AGAP1: variants seen among roughly 807,000 people sequenced by gnomAD.
AGAP1 encodes the protein arf-GAP with GTPase, ANK repeat and PH domain-containing protein 1.
AGAP1 carries 29 observed loss-of-function variants against 105.3 expected under a neutral mutation model. The ratio of observed to expected loss-of-function variants is 0.28; its 90% CI spans 0.21 to 0.38. The LOEUF is 0.38. Ranked by LOEUF, AGAP1 falls within the 10% of genes least tolerant of loss-of-function variation. The probability of loss-of-function intolerance (pLI) is 1.00; values close to 1 mark genes in which losing one functional copy is unlikely to be tolerated. For missense variants in AGAP1, 998 were observed against 1,165.1 expected (o/e 0.86, Z 2.09); for synonymous variants, 509 against 485.9 (o/e 1.05, Z -0.63).
intron 1 of AGAP1, among the ~76,000 whole-genome samples, chr2:235,606,125 A>G (rs11676226): frequency 0.62 from 94,551 of 152,148 alleles, 30,550 homozygotes; most frequent in African/African-American, 0.8. Context: ...AAGATCGGCC[A>G]TTTCCCCGGC....
chr2:235,780,237 TGAG>T (rs1956175166), intron 6 of AGAP1, among the ~76,000 whole-genome samples: 1 of 152,140 alleles, frequency 6.6e-6, no homozygotes, highest in Non-Finnish European at 1.5e-5. Flanking sequence ...AAAAATAAGT[TGAG>T]GAATTTAGGT....
In AGAP1 at chr2:235,517,345, C is replaced by T. The variant is rs1431295237; in HGVS notation, c.163+22496C>T. Among the ~76,000 whole-genome samples, 1 of 152,200 alleles carries T rather than the reference C, an allele frequency of 6.6e-6. No homozygotes were observed. Among genetic ancestry groups the T allele is most frequent in the Non-Finnish European group, 1.5e-5 (1 of 68,034 alleles). Reference sequence around the variant, plus strand: ...TTTGGGGGATACTGCGCAGTCCGTACAGCATCCCTCCCTCCCTGGTGGTTT... The same window carrying T: ...TTTGGGGGATACTGCGCAGTCCGTATAGCATCCCTCCCTCCCTGGTGGTTT... On this transcript the variant is annotated intron_variant, in intron 1 of 17. Coordinates refer to ENST00000304032, the MANE Select transcript of AGAP1 (RefSeq NM_001037131.3). This position sits in a 1 kb window ranked among gnomAD's most constrained non-coding sequence, Gnocchi z 4.1.
intron 1 of AGAP1, among the ~76,000 whole-genome samples, chr2:235,680,885 C>A (rs1412132386): frequency 6.6e-6 from 1 of 152,174 alleles, no homozygotes; most frequent in Non-Finnish European, 1.5e-5. Context: ...CCTGAGCTGA[C>A]ACTGGGACTG....
In AGAP1 at chr2:235,586,253, G is replaced by A. The variant is rs1335033989; in HGVS notation, c.163+91404G>A. Among the ~76,000 whole-genome samples the A allele has an allele frequency of 6.6e-6, 1 of 152,230 alleles. No homozygotes were observed. The highest frequency in any genetic ancestry group is 1.5e-5 in the Non-Finnish European group (1 of 68,038). On this transcript the variant is annotated intron_variant, in intron 1 of 17. Transcript: ENST00000304032. The surrounding 1 kb of genome is among the most constrained non-coding windows in gnomAD (Gnocchi z 4.2). Reference sequence around the variant, plus strand: ...ATACGGGCATGTTATCCAGAAGAGAGGAGAGAGAAGCCCGCTGCACTCTCC... The same window carrying A: ...ATACGGGCATGTTATCCAGAAGAGAAGAGAGAGAAGCCCGCTGCACTCTCC...
chr2:236,030,492 A>G (rs1468629280), intron 13 of AGAP1, among the ~76,000 whole-genome samples: 1 of 152,206 alleles, frequency 6.6e-6, no homozygotes, highest in Non-Finnish European at 1.5e-5. Flanking sequence ...TCCTTGCAGG[A>G]TTGCCAGGTG....
chr2:235,501,570 C>G (rs572380545), intron 1 of AGAP1, among the ~76,000 whole-genome samples: 43 of 152,300 alleles, frequency 2.8e-4, no homozygotes, highest in African/African-American at 9.4e-4. Context: ...AAAACAAAAC[C>G]TGCAGCCCTG....
At position 235,561,098 on chromosome 2, in the gene AGAP1, C is replaced by T. The variant is rs188706212; in HGVS notation, c.163+66249C>T. Among the ~76,000 whole-genome samples the T allele has an allele frequency of 1.8e-3, 271 of 152,260 alleles. 1 individual carries two copies. The highest frequency in any genetic ancestry group is 6.1e-3 in the African/African-American group (255 of 41,550). On this transcript the variant is annotated intron_variant, in intron 1 of 17. Transcript: ENST00000304032. Reference sequence around the variant, plus strand: ...GCTTGTGGCAGGAGCCTAGGGTGTCCATTTAGCCTTCTCTGTTGTGTTGGC... The same window carrying T: ...GCTTGTGGCAGGAGCCTAGGGTGTCTATTTAGCCTTCTCTGTTGTGTTGGC...
Position 235,720,878 on chromosome 2 carries a change from A to G in AGAP1, c.310+3234A>G, listed in dbSNP as rs1375974600. Among the ~76,000 whole-genome samples the G allele has an allele frequency of 6.6e-6, 1 of 152,178 alleles. No homozygotes were observed. Among genetic ancestry groups the G allele is most frequent in the Non-Finnish European group, 1.5e-5 (1 of 68,036 alleles). On this transcript the variant is annotated intron_variant, in intron 3 of 17. Transcript: ENST00000304032. This position sits in a 1 kb window ranked among gnomAD's most constrained non-coding sequence, Gnocchi z 5.0. ...GATCCAAGCCTGCTTTTCCTCAGAT[A>G]CATCAGATGCATTTTAGCTCCATCC...
intron 11 of AGAP1, among the ~76,000 whole-genome samples, chr2:235,910,720 C>T (rs2051564534): frequency 6.6e-6 from 1 of 152,180 alleles, no homozygotes; most frequent in Non-Finnish European, 1.5e-5. Context: ...AAGTTCAAGA[C>T]CAGCCTGTCC....
chr2:235,871,262 A>G (rs927646250), intron 9 of AGAP1, among the ~76,000 whole-genome samples: 1 of 152,050 alleles, frequency 6.6e-6, no homozygotes, highest in Admixed American at 6.5e-5. Flanking sequence ...CAGTTGAAAT[A>G]TTTTTTCTAA....
chr2:236,077,140 A>ATATAT lies in AGAP1; in HGVS notation c.2114+27859_2114+27860insTATAT, dbSNP rs1239013558. On this transcript the variant is annotated intron_variant, in intron 16 of 17. Transcript: ENST00000304032. The stretch of plus-strand genomic sequence containing the variant: ...AAAAAAGAGTAGAAAAAAAAAAAAA[A>ATATAT]AAATATATATATATATATATTCATA... Among the ~76,000 whole-genome samples the ATATAT allele has an allele frequency of 8.1e-4, 103 of 127,888 alleles. 2 individuals carry two copies. Among genetic ancestry groups the ATATAT allele is most frequent in the Middle Eastern group, 4.0e-3 (1 of 250 alleles). The allele number at this position is 127,888 out of a possible 152,430, so 83.9% of individuals were successfully genotyped here.
chr2:235,715,246 G>A (rs995273929), intron 2 of AGAP1, among the ~76,000 whole-genome samples: 1 of 151,998 alleles, frequency 6.6e-6, no homozygotes, highest in African/African-American at 2.4e-5. Flanking sequence ...GACCCATCTT[G>A]TGTTTACCAG....
At position 235,723,951 on chromosome 2, in the gene AGAP1, C is replaced by T. The variant is rs540485708; in HGVS notation, c.310+6307C>T. Among the ~76,000 whole-genome samples, 33 of 152,256 alleles carry T rather than the reference C, an allele frequency of 2.2e-4. No homozygotes were observed. The highest frequency in any genetic ancestry group is 7.5e-4 in the African/African-American group (31 of 41,554). On this transcript the variant is annotated intron_variant, in intron 3 of 17. Transcript: ENST00000304032. This position sits in a 1 kb window ranked among gnomAD's most constrained non-coding sequence, Gnocchi z 6.2. ...GGTGTGAAAGTGGCAAAAGGAGGGC[C>T]GGGGCCTGCCTGCCACTGAGGCCCA...
intron 1 of AGAP1, among the ~76,000 whole-genome samples, chr2:235,547,154 G>A (rs1378121130): frequency 1.3e-5 from 2 of 152,132 alleles, no homozygotes; most frequent in Admixed American, 6.5e-5. Context: ...GGGAGGTGAC[G>A]GGCAGTGGCT....
intron 13 of AGAP1, among the ~76,000 whole-genome samples, chr2:236,024,244 C>T (rs1377883506): frequency 6.6e-6 from 1 of 151,896 alleles, no homozygotes; most frequent in African/African-American, 2.4e-5. Context: ...ACCATGTTGC[C>T]CAGGCTGGTC....
At chr2:235,706,551 G>A (rs891950073) in intron 1 of AGAP1, among the ~76,000 whole-genome samples, 1 of 152,104 alleles carries the variant, frequency 6.6e-6, no homozygotes, top group Non-Finnish European at 1.5e-5. Flanking sequence ...CCTCACCCCC[G>A]ATACACTTTT....
In AGAP1 at chr2:235,728,069, G is replaced by C. The variant is rs906527409; in HGVS notation, c.310+10425G>C. 4.6e-5 allele frequency among the ~76,000 whole-genome samples: 7 copies of C among 152,184 alleles called. No homozygotes were observed. The highest frequency in any genetic ancestry group is 1.0e-4 in the Non-Finnish European group (7 of 68,044). Reference sequence around the variant, plus strand: ...CTTGTAAGACCGTGTCTGCCCAGTGGGGGCCTGGACACTAAGTGCCACTTC... The same window carrying C: ...CTTGTAAGACCGTGTCTGCCCAGTGCGGGCCTGGACACTAAGTGCCACTTC... On this transcript the variant is annotated intron_variant, in intron 3 of 17. Coordinates refer to ENST00000304032, the MANE Select transcript of AGAP1 (RefSeq NM_001037131.3). The surrounding 1 kb of genome is among the most constrained non-coding windows in gnomAD (Gnocchi z 4.3).
At chr2:235,827,459 T>C (rs1249956966) in intron 9 of AGAP1, among the ~76,000 whole-genome samples, 1 of 152,212 alleles carries the variant, frequency 6.6e-6, no homozygotes, top group Non-Finnish European at 1.5e-5. Flanking sequence ...TTCTGCACTT[T>C]AATGACTATT....
chr2:235,662,517 ATTTTTTTTTTTTT>A lies in AGAP1; in HGVS notation c.164-46655_164-46643del, dbSNP rs66689239. 1.6e-4 allele frequency among the ~76,000 whole-genome samples: 20 copies of A among 124,622 alleles called. No individual in the cohort carries two copies. The highest frequency in any genetic ancestry group is 3.1e-4 in the Non-Finnish European group (18 of 58,436). 81.8% of individuals were successfully genotyped at this position (124,622 alleles called of 152,430 possible). ...CTGTCTGCCTTCATGGAAGTTGGTG[ATTTTTTTTTTTTT>A]TTTTTTGGCTCTGTTGCCCAGGCTG... On this transcript the variant is annotated intron_variant, in intron 1 of 17. Coordinates refer to ENST00000304032, the MANE Select transcript of AGAP1 (RefSeq NM_001037131.3). This position sits in a 1 kb window ranked among gnomAD's most constrained non-coding sequence, Gnocchi z 4.2.
Sources: gnomAD v4.1 joint callset for allele counts (sites outside exome capture counted in the v4.1 genomes callset) on GRCh38, gnomAD v4.1.1 for gene constraint, Gnocchi (gnomAD v3.1) non-coding constraint, MANE v1.5 for transcripts, NCBI Gene and HGNC (gene_info 2026-07-23, HGNC 2026-07-21) for gene names.